The following KLHL22 variants were observed in gnomAD, a reference collection of about 807,000 sequenced individuals.
The protein encoded by KLHL22 is kelch like family member 22.
KLHL22 carries 18 observed loss-of-function variants against 60.7 expected under a neutral mutation model. The observed-to-expected ratio is 0.30, with a 90% CI of 0.20 to 0.44. KLHL22 has a LOEUF of 0.44. Ranked by LOEUF, KLHL22 falls within the 20% of genes least tolerant of loss-of-function variation. The pLI, the probability that KLHL22 is intolerant of heterozygous loss-of-function variation, is 1.00. For synonymous variants in KLHL22, 355 were observed against 354.5 expected (o/e 1.00, Z -0.01); for missense variants, 596 against 852.3 (o/e 0.70, Z 3.74).
At chr22:20,452,664 T>C (rs1441433945) in intron 5 of KLHL22, among the ~76,000 whole-genome samples, 3 of 152,228 alleles carry the variant, frequency 2.0e-5, no homozygotes, top group Non-Finnish European at 4.4e-5. Flanking sequence ...GAAGTACCTG[T>C]GATTTTACAG....
intron 3 of KLHL22, among the ~76,000 whole-genome samples, chr22:20,467,956 C>T (rs918583325): frequency 1.3e-5 from 2 of 152,208 alleles, no homozygotes; most frequent in African/African-American, 4.8e-5. Context: ...CGGCGCCCGG[C>T]CAAGGTATTT....
chr22:20,464,838 C>T lies in KLHL22; in HGVS notation c.1112+20G>A. 7.0e-7 allele frequency: 1 copy of T among 1,424,406 alleles called. No homozygotes were observed. Among genetic ancestry groups the T allele is most frequent in the Non-Finnish European group, 9.5e-7 (1 of 1,051,048 alleles). The allele number at this position is 1,424,406 out of a possible 1,614,324, so 88.2% of individuals were successfully genotyped here. On this transcript the variant is annotated intron_variant, in intron 4 of 6. Transcript: ENST00000328879. The stretch of plus-strand genomic sequence containing the variant: ...TCTCATCACCTGAAGACAAAGGGAC[C>T]AGCTAGCACCCTGTCCTACCTCCAG...
At chr22:20,473,396 T>C (rs1301314286) in intron 2 of KLHL22, among the ~76,000 whole-genome samples, 2 of 152,176 alleles carry the variant, frequency 1.3e-5, no homozygotes, top group Admixed American at 6.5e-5. Flanking sequence ...GATTGTGTGA[T>C]CAGTGTGAGA....
rs970936687 is a variant in KLHL22 at position 20,495,109 on chromosome 22, C to G, written c.-34+651G>C. Reference sequence around the variant, plus strand: ...CACTCGGCCCCGCGGAGGGCCGGAGCGAGGGCGCCCAGTGAGGAGCCCAGG... The same window carrying G: ...CACTCGGCCCCGCGGAGGGCCGGAGGGAGGGCGCCCAGTGAGGAGCCCAGG... On this transcript the variant is annotated intron_variant, in intron 1 of 6. Transcript: ENST00000328879. The surrounding 1 kb of genome is among the most constrained non-coding windows in gnomAD (Gnocchi z 4.6). 1.3e-5 allele frequency among the ~76,000 whole-genome samples: 2 copies of G among 152,218 alleles called. No homozygotes were observed. Among genetic ancestry groups the G allele is most frequent in the African/African-American group, 4.8e-5 (2 of 41,466 alleles).
At chr22:20,446,988 C>T (rs2052875358) in intron 5 of KLHL22, among the ~76,000 whole-genome samples, 1 of 152,010 alleles carries the variant, frequency 6.6e-6, no homozygotes, top group African/African-American at 2.4e-5. Context: ...GCATTTTTTC[C>T]AAGCCAGTCT....
At chr22:20,444,779 T>TTTGTTTGTTTG (rs1555909381) in intron 6 of KLHL22, among the ~76,000 whole-genome samples, 13 of 151,368 alleles carry the variant, frequency 8.6e-5, no homozygotes, top group Admixed American at 4.6e-4. Context: ...GGATGCTCTT[T>TTTGTTTGTTTG]TTTGTTTGTT....
chr22:20,460,391 G>A (rs1236779332), intron 4 of KLHL22, among the ~76,000 whole-genome samples: 2 of 151,910 alleles, frequency 1.3e-5, no homozygotes, highest in Non-Finnish European at 2.9e-5. Flanking sequence ...GGTGGATCAC[G>A]AGGTCAGGAG....
chr22:20,470,015 T>G (rs2053289049), intron 3 of KLHL22, among the ~76,000 whole-genome samples: 1 of 151,950 alleles, frequency 6.6e-6, no homozygotes, highest in African/African-American at 2.4e-5. Context: ...CAGAAAACTT[T>G]TTGAATTCTG....
intron 5 of KLHL22, among the ~76,000 whole-genome samples, chr22:20,455,129 C>A (rs1016474144): frequency 1.3e-5 from 2 of 152,124 alleles, no homozygotes; most frequent in East Asian, 1.9e-4. Flanking sequence ...TGATCCCCCC[C>A]GCCTGGGCCT....
intron 6 of KLHL22, 111 bp downstream of exon 6, chr22:20,446,332 T>C (rs1601320452): frequency 1.3e-6 from 1 of 743,574 alleles, no homozygotes; most frequent in East Asian, 2.7e-5. Flanking sequence ...AAAACTGCTC[T>C]AAAAAATAGT....
chr22:20,474,684 G>A lies in KLHL22; in HGVS notation c.228-3169C>T, dbSNP rs188245076. On this transcript the variant is annotated intron_variant, in intron 2 of 6. Transcript: ENST00000328879. ...TGGGATTACAGGCATGAGCCACCGC[G>A]CCCAGCCAGCTGTCTCACTTCTTTA... Among the ~76,000 whole-genome samples the A allele has an allele frequency of 7.2e-4, 109 of 152,294 alleles. 1 individual carries two copies. The highest frequency in any genetic ancestry group is 1.9e-3 in the Admixed American group (29 of 15,298).
intron 2 of KLHL22, among the ~76,000 whole-genome samples, chr22:20,477,976 A>T (rs2053440456): frequency 6.6e-6 from 1 of 152,222 alleles, no homozygotes; most frequent in African/African-American, 2.4e-5. Context: ...TGTTAGAGAT[A>T]AATTGTCATG....
At chr22:20,493,197 C>G (rs529669013) in intron 1 of KLHL22, 97 of 471,322 alleles carry the variant, frequency 2.1e-4, no homozygotes, top group African/African-American at 1.8e-3. Flanking sequence ...GGATAAATGG[C>G]AGCTACTCCC....
intron 3 of KLHL22, among the ~76,000 whole-genome samples, chr22:20,469,655 C>G (rs1460069029): frequency 6.6e-6 from 1 of 152,120 alleles, no homozygotes; most frequent in Middle Eastern, 3.2e-3. Context: ...GATCAACCCA[C>G]CCAGCATCCA....
chr22:20,478,333 G>A (rs2053445574), intron 2 of KLHL22, among the ~76,000 whole-genome samples: 1 of 151,262 alleles, frequency 6.6e-6, no homozygotes, highest in South Asian at 2.1e-4. Context: ...AGTCTCCCGA[G>A]TAGCTGGGAT....
At chr22:20,470,672 A>ATGGATGGG (rs963965199) in intron 3 of KLHL22, among the ~76,000 whole-genome samples, 1 of 149,312 alleles carries the variant, frequency 6.7e-6, no homozygotes, top group Non-Finnish European at 1.5e-5. Flanking sequence ...GAGTGGATGG[A>ATGGATGGG]TGGATGGGTG....
intron 1 of KLHL22, chr22:20,491,314 C>A (rs1382077540): frequency 6.6e-6 from 1 of 152,140 alleles, no homozygotes; most frequent in Non-Finnish European, 1.5e-5. Context: ...AAATCACTGG[C>A]CATTGGTGAT....
chr22:20,477,384 A>G (rs1277046546), intron 2 of KLHL22, among the ~76,000 whole-genome samples: 1 of 152,014 alleles, frequency 6.6e-6, no homozygotes, highest in African/African-American at 2.4e-5. Flanking sequence ...TGTGCCTCAA[A>G]AGAAAAAGAA....
At chr22:20,471,129 G>A (rs904103033) in intron 3 of KLHL22, among the ~76,000 whole-genome samples, 3 of 152,228 alleles carry the variant, frequency 2.0e-5, no homozygotes, top group African/African-American at 7.2e-5. Context: ...CAGCAATAGA[G>A]AAGAGGGCAA....
Sources: gnomAD v4.1 joint callset for allele counts (sites outside exome capture counted in the v4.1 genomes callset) on GRCh38, gnomAD v4.1.1 for gene constraint, Gnocchi (gnomAD v3.1) non-coding constraint, MANE v1.5 for transcripts, NCBI Gene and HGNC (gene_info 2026-07-23, HGNC 2026-07-21) for gene names.